Variants in RMND5A observed in about 807,000 individuals in gnomAD.
The protein encoded by RMND5A is E3 ubiquitin-protein transferase RMND5A.
Under a neutral mutation model 49.7 loss-of-function variants are expected in RMND5A, and 17 were observed. That is an observed-to-expected ratio of 0.34 (90% confidence interval 0.23 to 0.51). RMND5A has a LOEUF of 0.51. Among genes scored for constraint, RMND5A ranks in the 20% least tolerant of loss-of-function variants. The pLI is 0.96. For synonymous variants in RMND5A, 156 were observed against 167.7 expected (o/e 0.93, Z 0.54); for missense variants, 255 against 471.3 (o/e 0.54, Z 4.25).
At chr2:86,745,860 GA>G (rs1022166862) in intron 2 of RMND5A, among the ~76,000 whole-genome samples, 1 of 152,142 alleles carries the variant, frequency 6.6e-6, no homozygotes, top group Non-Finnish European at 1.5e-5. Context: ...TCAAGGTTTG[GA>G]AAAAGTTTTT....
chr2:86,720,772 C>T lies in RMND5A; in HGVS notation c.105C>T (p.Tyr35=), dbSNP rs149538803. The T allele has an allele frequency of 1.4e-4, 229 of 1,595,618 alleles. 8 individuals are homozygous for T. In the African/African-American group the frequency reaches 2.5e-3, roughly 18 times the overall value. Residue 35 remains tyrosine, a synonymous_variant, in exon 1 of 9, where the codon TAC becomes TAT. Coordinates refer to ENST00000283632, the MANE Select transcript of RMND5A (RefSeq NM_022780.4). The part of the protein sequence containing the change: ...CERGLEELID[Y]TGGLKHEILQ... ...GCGGCCTGGAGGAGCTCATCGACTA[C>T]ACCGGCGGCCTCAAGCACGAGATCC...
At chr2:86,758,997 C>CT (rs1681796296) in intron 4 of RMND5A, among the ~76,000 whole-genome samples, 1 of 152,108 alleles carries the variant, frequency 6.6e-6, no homozygotes, top group African/African-American at 2.4e-5. Flanking sequence ...AGAGTATAGC[C>CT]TTAAAGGAAA....
chr2:86,760,211 A>G (rs1421925690), intron 4 of RMND5A, among the ~76,000 whole-genome samples: 2 of 151,958 alleles, frequency 1.3e-5, no homozygotes, highest in Non-Finnish European at 2.9e-5. Flanking sequence ...CACCCGACTA[A>G]TTTTGTATTT....
Position 86,753,647 on chromosome 2 carries a change from T to C in RMND5A, c.521+89T>C, listed in dbSNP as rs1052742257. On this transcript the variant is annotated intron_variant, in intron 4 of 8. Coordinates refer to ENST00000283632, the MANE Select transcript of RMND5A (RefSeq NM_022780.4). ...AAAACACATTAGAGATTTTTAGATA[T>C]ATTTATCTTACCTGTGGTAGACTTC... The C allele has an allele frequency of 4.6e-5, 29 of 633,712 alleles. No individual in the cohort carries two copies. In the African/African-American group the frequency reaches 5.1e-4, roughly 11 times the overall value. 39.3% of individuals were successfully genotyped at this position (633,712 alleles called of 1,614,324 possible). A position where few individuals can be genotyped will look rare whatever the true frequency, so the allele number is the denominator to read the frequency against.
In RMND5A at chr2:86,749,817, C is replaced by T. The variant is rs1681602044; in HGVS notation, c.286-2079C>T. 2.0e-5 allele frequency among the ~76,000 whole-genome samples: 3 copies of T among 152,088 alleles called. 1 individual carries two copies. In the South Asian group the frequency reaches 6.2e-4, roughly 32 times the overall value. ...TGTTTTGTCTTGAGTGATTCCAAAC[C>T]TTAATGTATGTATTCAGTTTTAGGC... On this transcript the variant is annotated intron_variant, in intron 2 of 8. Transcript: ENST00000283632.
In RMND5A at chr2:86,775,324, CTTTCTTTTTTTTTTT is replaced by C. The variant is rs1348499330; in HGVS notation, c.*1917_*1931del. 5.1e-5 allele frequency: 4 copies of C among 78,438 alleles called. No homozygotes were observed. Among genetic ancestry groups the C allele is most frequent in the East Asian group, 6.4e-4 (1 of 1,566 alleles). 4.9% of individuals were successfully genotyped at this position (78,438 alleles called of 1,614,324 possible). ...AACCTAGAGTGTTGTATTTTTCTTT[CTTTCTTTTTTTTTTT>C]TTTTTTTTTTACCCTTTTTCTCCTT... is the stretch of plus-strand genomic sequence containing the variant. On this transcript the variant is annotated 3_prime_UTR_variant, in exon 9 of 9. Transcript: ENST00000283632.
In RMND5A at chr2:86,776,741, A is replaced by C. The variant is rs1672776557; in HGVS notation, c.*3330A>C. On this transcript the variant is annotated 3_prime_UTR_variant, in exon 9 of 9. Coordinates refer to ENST00000283632, the MANE Select transcript of RMND5A (RefSeq NM_022780.4). ...TCTGTTTCGTCAGCCGACTCAGGTT[A>C]TTTTCAGGGAAGGCATGGAGGCATA... The C allele has an allele frequency of 6.6e-6, 1 of 152,178 alleles. No individual in the cohort carries two copies. Among genetic ancestry groups the C allele is most frequent in the Admixed American group, 6.5e-5 (1 of 15,278 alleles). The allele number at this position is 152,178 out of a possible 1,614,324, so 9.4% of individuals were successfully genotyped here. A position where few individuals can be genotyped will look rare whatever the true frequency, so the allele number is the denominator to read the frequency against.
chr2:86,747,027 G>A (rs1462757534), intron 2 of RMND5A, among the ~76,000 whole-genome samples: 1 of 152,146 alleles, frequency 6.6e-6, no homozygotes, highest in Non-Finnish European at 1.5e-5. Context: ...TCTGGTATAT[G>A]CCTAAATATG....
chr2:86,773,400 A>C lies in RMND5A; in HGVS notation c.1165A>C (p.Ile389Leu). 2 of 1,603,586 alleles carry C rather than the reference A, an allele frequency of 1.2e-6. No individual in the cohort carries two copies. The highest frequency in any genetic ancestry group is 1.7e-6 in the Non-Finnish European group (2 of 1,170,578). ...ACAAAGTCCAGGAGATGCCAAACAG[A>C]TATTTTTCTGAAGAGATAACTTTAG... Reference protein sequence around the residue: ...MEQSPGDAKQIFF With the variant: ...MEQSPGDAKQLFF The change falls in exon 9 of 9, where the codon ATA (isoleucine) becomes CTA (leucine). Residue 389 changes from isoleucine (I) to leucine (L), a missense_variant. Coordinates refer to ENST00000283632, the MANE Select transcript of RMND5A (RefSeq NM_022780.4).
At chr2:86,761,697 A>G (rs966820224) in intron 4 of RMND5A, among the ~76,000 whole-genome samples, 7 of 152,210 alleles carry the variant, frequency 4.6e-5, no homozygotes, top group Admixed American at 1.3e-4. Context: ...CTTTTAAGAA[A>G]TTTGAAAACT....
chr2:86,720,973 C>T (rs962306965), intron 1 of RMND5A, 164 bp downstream of exon 1: 30 of 568,550 alleles, frequency 5.3e-5, no homozygotes, highest in South Asian at 2.3e-4. Context: ...CCCTCTTCGT[C>T]CGATTTACCT....
intron 6 of RMND5A, among the ~76,000 whole-genome samples, chr2:86,766,556 C>A (rs563180998): frequency 6.8e-6 from 1 of 148,110 alleles, no homozygotes; most frequent in African/African-American, 2.5e-5. Context: ...CCCAGCTAGT[C>A]GGGAAGCCGA....
chr2:86,777,111 A>G lies in RMND5A; in HGVS notation c.*3700A>G, dbSNP rs1335108478. 1.3e-5 allele frequency: 2 copies of G among 152,226 alleles called. No individual in the cohort carries two copies. Among genetic ancestry groups the G allele is most frequent in the African/African-American group, 4.8e-5 (2 of 41,458 alleles). 9.4% of individuals were successfully genotyped at this position (152,226 alleles called of 1,614,324 possible). On this transcript the variant is annotated 3_prime_UTR_variant, in exon 9 of 9. Coordinates refer to ENST00000283632, the MANE Select transcript of RMND5A (RefSeq NM_022780.4). ...TTTCCACTGTTGATTTTACTTCAAG[A>G]CATAGCAAGAGAAACAAAATTTTGT...
intron 4 of RMND5A, among the ~76,000 whole-genome samples, chr2:86,762,596 G>A (rs1255949857): frequency 2.0e-5 from 3 of 150,512 alleles, no homozygotes; most frequent in Non-Finnish European, 4.4e-5. Context: ...AGTGAGCTGA[G>A]ATCTTGCCAC....
intron 3 of RMND5A, among the ~76,000 whole-genome samples, chr2:86,752,670 C>G (rs550106056): frequency 6.6e-6 from 1 of 152,124 alleles, no homozygotes; most frequent in Non-Finnish European, 1.5e-5. Context: ...GTAAGTTGCC[C>G]GAGGCCTTAA....
In RMND5A at chr2:86,720,647, C is replaced by T. The variant is rs1330500032; in HGVS notation, c.-21C>T. On this transcript the variant is annotated 5_prime_UTR_variant, in exon 1 of 9. Transcript: ENST00000283632. ...CTGCGGACACCTGGGCGCCGAGGAG[C>T]CGAGCGCCGCCGCCTCCGGCATGGA... 9.8e-6 allele frequency: 15 copies of T among 1,527,544 alleles called. No homozygotes were observed. The highest frequency in any genetic ancestry group is 2.3e-4 in the Middle Eastern group (1 of 4,372). 94.6% of individuals were successfully genotyped at this position (1,527,544 alleles called of 1,614,324 possible). A position where few individuals can be genotyped will look rare whatever the true frequency, so the allele number is the denominator to read the frequency against.
intron 6 of RMND5A, among the ~76,000 whole-genome samples, chr2:86,767,224 C>T (rs1393796367): frequency 6.6e-6 from 1 of 152,056 alleles, no homozygotes; most frequent in African/African-American, 2.4e-5. Flanking sequence ...CCACCACGCC[C>T]AGCTAATTTT....
At chr2:86,727,605 C>T (rs1681292118) in intron 1 of RMND5A, among the ~76,000 whole-genome samples, 1 of 73,896 alleles carries the variant, frequency 1.4e-5, no homozygotes, top group Non-Finnish European at 2.8e-5. Context: ...TTATTTAGGG[C>T]CCTGCTTCTT....
chr2:86,773,314 C>T (rs1672713226), intron 8 of RMND5A, 34 bp from the exon 9 acceptor site: 2 of 1,319,110 alleles, frequency 1.5e-6, no homozygotes, highest in Non-Finnish European at 1.1e-6. Flanking sequence ...ACTGAGCCTG[C>T]TCCTTCACTC....
Sources: gnomAD v4.1 joint callset for allele counts (sites outside exome capture counted in the v4.1 genomes callset) on GRCh38, gnomAD v4.1.1 for gene constraint, MANE v1.5 for transcripts, NCBI Gene and HGNC (gene_info 2026-07-23, HGNC 2026-07-21) for gene names.